UNC5C: variants seen among roughly 807,000 people sequenced by gnomAD.
UNC5C encodes the protein unc-5 netrin receptor C.
In UNC5C, 47 loss-of-function variants were observed where a neutral mutation model predicts 99.8. The observed-to-expected ratio is 0.47, with a 90% confidence interval of 0.37 to 0.60. The LOEUF (loss-of-function observed/expected upper bound fraction) is 0.60, where lower values mean the gene tolerates loss of function less well. Among genes scored for constraint, UNC5C ranks in the 20% least tolerant of loss-of-function variants. The pLI, the probability that UNC5C is intolerant of heterozygous loss-of-function variation, is 0.00. For missense variants in UNC5C, 1,062 were observed against 1,165.9 expected, an observed-to-expected ratio of 0.91 and a Z score of 1.30; for synonymous variants, 487 against 452.2, an observed-to-expected ratio of 1.08 and a Z score of -0.98.
chr4:95,468,744 G>A (rs1747875909), intron 1 of UNC5C, among the ~76,000 whole-genome samples: 1 of 152,126 alleles, frequency 6.6e-6, no homozygotes, highest in South Asian at 2.1e-4. Flanking sequence ...AATGACACCT[G>A]ATCTAGAGAC....
intron 7 of UNC5C, among the ~76,000 whole-genome samples, chr4:95,232,710 C>T (rs1232773059): frequency 6.6e-6 from 1 of 152,154 alleles, no homozygotes; most frequent in Non-Finnish European, 1.5e-5. Flanking sequence ...TAACCACATC[C>T]CTGCTTTCAA....
intron 1 of UNC5C, among the ~76,000 whole-genome samples, chr4:95,389,541 CTTA>C (rs1350755538): frequency 5.3e-5 from 8 of 151,918 alleles, no homozygotes; most frequent in African/African-American, 1.9e-4. Flanking sequence ...GCTGATATAA[CTTA>C]TTAACTGAAT....
At chr4:95,245,410 C>T (rs1022196052) in intron 5 of UNC5C, among the ~76,000 whole-genome samples, 1 of 152,056 alleles carries the variant, frequency 6.6e-6, no homozygotes, top group African/African-American at 2.4e-5. Context: ...TTTTCTTTGG[C>T]CAGTGTTCTT....
At chr4:95,407,563 T>C (rs1745865024) in intron 1 of UNC5C, among the ~76,000 whole-genome samples, 1 of 152,154 alleles carries the variant, frequency 6.6e-6, no homozygotes, top group African/African-American at 2.4e-5. Flanking sequence ...GTGTGTAGTT[T>C]TTCTGGAATT....
chr4:95,516,025 A>T (rs1232297791), intron 1 of UNC5C, among the ~76,000 whole-genome samples: 1 of 152,216 alleles, frequency 6.6e-6, no homozygotes, highest in Non-Finnish European at 1.5e-5. Context: ...GAACTGAAAT[A>T]GGACAAATCA....
intron 1 of UNC5C, among the ~76,000 whole-genome samples, chr4:95,371,793 G>C (rs756239759): frequency 1.3e-5 from 2 of 151,890 alleles, no homozygotes; most frequent in Admixed American, 6.6e-5. Context: ...AAATCAAATG[G>C]GTATTTAACT....
chr4:95,252,590 G>A (rs1250360789), intron 4 of UNC5C, among the ~76,000 whole-genome samples: 2 of 152,142 alleles, frequency 1.3e-5, no homozygotes, highest in African/African-American at 4.8e-5. Context: ...GCAGGGATGA[G>A]GCTGCAGCTA....
chr4:95,503,709 TTC>T (rs1721837928), intron 1 of UNC5C, among the ~76,000 whole-genome samples: 1 of 152,152 alleles, frequency 6.6e-6, no homozygotes, highest in African/African-American at 2.4e-5. Flanking sequence ...TTTATTATAT[TTC>T]TGTCCTTTTA....
rs61741188 is a variant in UNC5C, at chr4:95,219,000, C to T, written c.1614G>A (p.Ser538=). 0.028 allele frequency: 45,755 copies of T among 1,611,194 alleles called. 995 individuals carry two copies. The highest frequency in any genetic ancestry group is 0.079 in the South Asian group (7,140 of 90,900). ...PSCTAFGSFN[S]LGGHLIVPNS... is the part of the protein sequence containing the mutation. ...TGGGAACAATAAGGTGACCTCCCAG[C>T]GAGTTGAAGCTGCCAAATGCGGTAC... The change falls in exon 9 of 16, where the codon TCG becomes TCA. Residue 538 remains serine, a synonymous_variant. Transcript: ENST00000453304.
intron 2 of UNC5C, among the ~76,000 whole-genome samples, chr4:95,333,712 A>T (rs1743218324): frequency 1.3e-5 from 2 of 152,170 alleles, no homozygotes; most frequent in African/African-American, 4.8e-5. Context: ...CCTAAAACTT[A>T]AAGTATAATA....
intron 2 of UNC5C, among the ~76,000 whole-genome samples, chr4:95,333,556 C>T (rs1486657090): frequency 1.5e-5 from 2 of 131,656 alleles, no homozygotes; most frequent in African/African-American, 5.9e-5. Flanking sequence ...GAACATCACA[C>T]TCTGCGGACT....
chr4:95,176,560 T>TGTC (rs1163189409), intron 14 of UNC5C, among the ~76,000 whole-genome samples: 18 of 151,052 alleles, frequency 1.2e-4, no homozygotes, highest in African/African-American at 4.2e-4. Flanking sequence ...TGCTCAGGGG[T>TGTC]AGGGGTCAGG....
chr4:95,192,793 G>GC (rs1321448160), intron 12 of UNC5C, among the ~76,000 whole-genome samples: 4 of 152,004 alleles, frequency 2.6e-5, no homozygotes, highest in Non-Finnish European at 4.4e-5. Flanking sequence ...TCACTCCAGT[G>GC]CCCCAAAATT....
At chr4:95,500,741 G>T (rs1453522383) in intron 1 of UNC5C, among the ~76,000 whole-genome samples, 1 of 152,096 alleles carries the variant, frequency 6.6e-6, no homozygotes, top group African/African-American at 2.4e-5. Context: ...ATGCAGCCAG[G>T]CAGAAAGCTC....
intron 4 of UNC5C, among the ~76,000 whole-genome samples, chr4:95,255,491 A>G (rs1453412441): frequency 3.3e-5 from 5 of 152,080 alleles, no homozygotes; most frequent in Non-Finnish European, 7.4e-5. Context: ...CTGATGACCA[A>G]GATTTCTATG....
At chr4:95,548,059 G>A (rs894204065) in intron 1 of UNC5C, among the ~76,000 whole-genome samples, 3 of 152,160 alleles carry the variant, frequency 2.0e-5, no homozygotes, top group Non-Finnish European at 2.9e-5. Context: ...TACATCCCCT[G>A]GTGGGAAGCA....
chr4:95,224,902 A>G (rs1359966427), intron 7 of UNC5C, among the ~76,000 whole-genome samples: 7 of 152,044 alleles, frequency 4.6e-5, no homozygotes, highest in Admixed American at 2.0e-4. Flanking sequence ...TGAAAAAAAG[A>G]AAGAATCTGC....
intron 1 of UNC5C, among the ~76,000 whole-genome samples, chr4:95,420,451 T>C (rs535556991): frequency 5.9e-5 from 9 of 152,274 alleles, no homozygotes; most frequent in African/African-American, 2.2e-4. Context: ...CCTTACACTC[T>C]TTTATTTTTA....
chr4:95,502,220 A>G lies in UNC5C; in HGVS notation c.124+46514T>C, dbSNP rs566784106. Among the ~76,000 whole-genome samples, 6 of 152,274 alleles carry G rather than the reference A, an allele frequency of 3.9e-5. No homozygotes were observed. In the South Asian group the frequency reaches 8.3e-4, roughly 21 times the overall value. On this transcript the variant is annotated intron_variant, in intron 1 of 15. Transcript: ENST00000453304. ...TATGACTGGCCCCCAATCACCTTGT[A>G]AAAACTGGATTAGAAACTTTATTAG...
Sources: allele counts gnomAD v4.1 joint callset (sites outside exome capture counted in the v4.1 genomes callset), GRCh38; gene constraint gnomAD v4.1.1; transcripts MANE v1.5; gene names NCBI Gene and HGNC (gene_info 2026-07-23, HGNC 2026-07-21).